Variants in GLRA1 observed in about 807,000 individuals in gnomAD.
GLRA1 encodes the protein glycine receptor subunit alpha-1.
A neutral mutation model predicts 48.3 loss-of-function variants in GLRA1; 37 were observed. The observed-to-expected ratio is 0.77, with a 90% CI of 0.59 to 1.01. GLRA1 has a LOEUF of 1.01. Ranked by LOEUF, GLRA1 falls within the 50% of genes least tolerant of loss-of-function variation. The pLI is 0.00. For synonymous variants in GLRA1, 196 were observed against 210.7 expected, an observed-to-expected ratio of 0.93 and a Z score of 0.60; for missense variants, 427 against 571.0, an observed-to-expected ratio of 0.75 and a Z score of 2.57.
chr5:151,910,349 T>A (rs1246972675), intron 1 of GLRA1, among the ~76,000 whole-genome samples: 1 of 152,234 alleles, frequency 6.6e-6, no homozygotes, highest in African/African-American at 2.4e-5. Flanking sequence ...AACATTCAAG[T>A]ATTACAGGAA....
At chr5:151,920,411 C>A (rs747122664) in intron 1 of GLRA1, among the ~76,000 whole-genome samples, 41 of 152,230 alleles carry the variant, frequency 2.7e-4, no homozygotes, top group Non-Finnish European at 5.0e-4. Context: ...ATGGCCGTAA[C>A]CTCTTTCATA....
At chr5:151,913,655 A>G (rs1430568181) in intron 1 of GLRA1, among the ~76,000 whole-genome samples, 3 of 152,230 alleles carry the variant, frequency 2.0e-5, no homozygotes, top group Non-Finnish European at 2.9e-5. Context: ...CATGGTGTTT[A>G]GAATAATCCC....
intron 1 of GLRA1, among the ~76,000 whole-genome samples, chr5:151,898,172 C>G (rs538292409): frequency 6.6e-6 from 1 of 152,156 alleles, no homozygotes; most frequent in Admixed American, 6.5e-5. Flanking sequence ...AAGAGCCCTT[C>G]CAGCCCTCAG....
chr5:151,845,250 A>G (rs1752642482), intron 7 of GLRA1, among the ~76,000 whole-genome samples: 2 of 152,306 alleles, frequency 1.3e-5, no homozygotes, highest in South Asian at 4.2e-4. Context: ...TTTTAATACA[A>G]GGTTTGGAAG....
At chr5:151,917,412 A>G (rs1174367825) in intron 1 of GLRA1, among the ~76,000 whole-genome samples, 2 of 152,116 alleles carry the variant, frequency 1.3e-5, no homozygotes, top group Admixed American at 6.5e-5. Flanking sequence ...TATGATTTTG[A>G]TAATCTGTAT....
intron 7 of GLRA1, chr5:151,849,734 A>G (rs1752849868): frequency 3.1e-6 from 1 of 320,572 alleles, no homozygotes; most frequent in African/African-American, 2.2e-5. Flanking sequence ...TTGTATTTTT[A>G]GTAGAGACGT....
intron 2 of GLRA1, among the ~76,000 whole-genome samples, chr5:151,888,420 C>T (rs1753974544): frequency 6.6e-6 from 1 of 152,188 alleles, no homozygotes; most frequent in Non-Finnish European, 1.5e-5. Flanking sequence ...TCAATTTCCT[C>T]ATCAATCTGG....
intron 3 of GLRA1, among the ~76,000 whole-genome samples, chr5:151,872,606 T>C (rs1292613671): frequency 1.3e-5 from 2 of 149,858 alleles, no homozygotes; most frequent in Non-Finnish European, 2.9e-5. Context: ...TAGCCTTGTT[T>C]GTAATAGTGT....
chr5:151,873,939 G>A (rs1440014787), intron 3 of GLRA1, among the ~76,000 whole-genome samples: 1 of 152,186 alleles, frequency 6.6e-6, no homozygotes, highest in Non-Finnish European at 1.5e-5. Context: ...TGAACATAGT[G>A]CCCTATAGGT....
intron 1 of GLRA1, among the ~76,000 whole-genome samples, chr5:151,913,631 G>A (rs775754718): frequency 6.6e-6 from 1 of 152,188 alleles, no homozygotes; most frequent in Non-Finnish European, 1.5e-5. Flanking sequence ...AGTGATAAAA[G>A]AGAAGTTGCC....
chr5:151,895,693 C>G (rs1034312034), intron 1 of GLRA1, among the ~76,000 whole-genome samples: 2 of 151,284 alleles, frequency 1.3e-5, no homozygotes, highest in African/African-American at 2.4e-5. Flanking sequence ...TGGGGCTGCT[C>G]CTTGTCTCAC....
intron 1 of GLRA1, among the ~76,000 whole-genome samples, chr5:151,915,284 G>A (rs548898868): frequency 5.9e-5 from 9 of 152,280 alleles, no homozygotes; most frequent in African/African-American, 2.2e-4. Flanking sequence ...CTGAGGGAAG[G>A]CAGAAGAGAA....
chr5:151,847,271 A>G (rs1385640750), intron 7 of GLRA1, among the ~76,000 whole-genome samples: 2 of 152,232 alleles, frequency 1.3e-5, no homozygotes, highest in Admixed American at 1.3e-4. Context: ...TGTGACTCAA[A>G]CAATAATAGT....
chr5:151,834,345 G>A (rs1455797273), intron 7 of GLRA1, among the ~76,000 whole-genome samples: 8 of 152,068 alleles, frequency 5.3e-5, no homozygotes, highest in South Asian at 4.1e-4. Flanking sequence ...AAAACTCCAC[G>A]GAAACTAAAC....
chr5:151,829,976 T>C (rs1057356593), intron 7 of GLRA1, among the ~76,000 whole-genome samples: 11 of 152,236 alleles, frequency 7.2e-5, no homozygotes, highest in Admixed American at 2.6e-4. Context: ...AATCAGGTAA[T>C]GGATATTTAA....
At chr5:151,858,363 T>A (rs1581622434) in intron 4 of GLRA1, among the ~76,000 whole-genome samples, 1 of 152,294 alleles carries the variant, frequency 6.6e-6, no homozygotes, top group East Asian at 1.9e-4. Context: ...TCACACTGGG[T>A]TAATTTCCTG....
chr5:151,844,085 G>A (rs190040745), intron 7 of GLRA1, among the ~76,000 whole-genome samples: 5 of 151,394 alleles, frequency 3.3e-5, no homozygotes, highest in East Asian at 2.0e-4. Flanking sequence ...CAGAAGAATC[G>A]CTTGAACTCA....
intron 3 of GLRA1, among the ~76,000 whole-genome samples, chr5:151,865,649 G>A (rs553758408): frequency 6.6e-6 from 1 of 152,264 alleles, no homozygotes; most frequent in South Asian, 2.1e-4. Context: ...AGCAATGCAA[G>A]TTGTCAGTAA....
intron 1 of GLRA1, among the ~76,000 whole-genome samples, chr5:151,893,302 T>TTCTC (rs1754138875): frequency 1.5e-5 from 2 of 136,044 alleles, no homozygotes; most frequent in Non-Finnish European, 3.1e-5. Context: ...CTTTCTTTCT[T>TTCTC]TCTTTCTTTC....
Sources: gnomAD v4.1 joint callset for allele counts (sites outside exome capture counted in the v4.1 genomes callset) on GRCh38, gnomAD v4.1.1 for gene constraint, MANE v1.5 for transcripts, NCBI Gene and HGNC (gene_info 2026-07-23, HGNC 2026-07-21) for gene names.